NEGR1: variants seen among roughly 807,000 people sequenced by gnomAD.
The protein encoded by NEGR1 is neuronal growth regulator 1, also known as IgLON family member 4.
In NEGR1, 10 loss-of-function variants were observed where a neutral mutation model predicts 40.9. The ratio of observed to expected loss-of-function variants is 0.24; its 90% CI spans 0.15 to 0.42. NEGR1 has a LOEUF of 0.42. Among genes scored for constraint, NEGR1 ranks in the 10% least tolerant of loss-of-function variants. The pLI is 1.00. For missense variants in NEGR1, 352 were observed against 438.9 expected (o/e 0.80, Z 1.77); for synonymous variants, 185 against 166.8 (o/e 1.11, Z -0.84).
At chr1:72,219,713 A>C (rs1195046842) in intron 1 of NEGR1, among the ~76,000 whole-genome samples, 1 of 152,096 alleles carries the variant, frequency 6.6e-6, no homozygotes, top group Non-Finnish European at 1.5e-5. Context: ...ATATAGCCAC[A>C]ATATTATCAA....
intron 4 of NEGR1, among the ~76,000 whole-genome samples, chr1:71,656,987 T>A (rs371446983): frequency 3.3e-5 from 5 of 152,222 alleles, no homozygotes; most frequent in East Asian, 3.9e-4. Context: ...CTAATAATAC[T>A]GTTTGGCTTC....
intron 4 of NEGR1, among the ~76,000 whole-genome samples, chr1:71,614,235 A>G: frequency 6.6e-6 from 1 of 151,946 alleles, no homozygotes; most frequent in Non-Finnish European, 1.5e-5. Context: ...ATACACACAT[A>G]TACACAAACA....
intron 6 of NEGR1, among the ~76,000 whole-genome samples, chr1:71,440,155 A>G (rs1269679316): frequency 6.6e-6 from 1 of 152,216 alleles, no homozygotes; most frequent in Admixed American, 6.5e-5. Context: ...GAATAAAAGA[A>G]TAAGTATCTT....
chr1:71,667,514 C>T (rs1004336522), intron 4 of NEGR1, among the ~76,000 whole-genome samples: 1 of 152,172 alleles, frequency 6.6e-6, no homozygotes, highest in Non-Finnish European at 1.5e-5. Context: ...TCCAATTCTA[C>T]ACCCTGGTGT....
chr1:71,793,045 A>T (rs973407325), intron 2 of NEGR1, among the ~76,000 whole-genome samples: 1 of 151,238 alleles, frequency 6.6e-6, no homozygotes, highest in East Asian at 2.0e-4. Context: ...GGCTCACATA[A>T]ACCTCCCAGG....
intron 6 of NEGR1, among the ~76,000 whole-genome samples, chr1:71,448,292 G>T (rs1044992335): frequency 2.0e-5 from 3 of 151,708 alleles, no homozygotes; most frequent in Admixed American, 6.6e-5. Context: ...ACAGATAAGA[G>T]AAGTTATTGG....
At chr1:71,907,606 C>T (rs779080914) in intron 2 of NEGR1, among the ~76,000 whole-genome samples, 6 of 152,074 alleles carry the variant, frequency 3.9e-5, no homozygotes, top group Non-Finnish European at 5.9e-5. Flanking sequence ...TTGGAAATTT[C>T]TCAAAAAACA....
intron 1 of NEGR1, among the ~76,000 whole-genome samples, chr1:72,170,676 G>A (rs1651928586): frequency 6.6e-6 from 1 of 152,196 alleles, no homozygotes. Flanking sequence ...AAACAACCAA[G>A]TTTGCTTATG....
chr1:71,626,628 C>A (rs1363067887), intron 4 of NEGR1, among the ~76,000 whole-genome samples: 1 of 151,902 alleles, frequency 6.6e-6, no homozygotes. Flanking sequence ...CAACAAAAGC[C>A]AAAATTGACA....
At chr1:71,864,655 G>C (rs1376208973) in intron 2 of NEGR1, among the ~76,000 whole-genome samples, 2 of 151,962 alleles carry the variant, frequency 1.3e-5, no homozygotes, top group African/African-American at 4.8e-5. Flanking sequence ...CCAAAGAAAA[G>C]GGCAACACAA....
chr1:71,976,463 G>A (rs1422429850), intron 1 of NEGR1, among the ~76,000 whole-genome samples: 1 of 152,192 alleles, frequency 6.6e-6, no homozygotes, highest in Non-Finnish European at 1.5e-5. Context: ...GAATACATTG[G>A]ATTCAGATGC....
At chr1:72,053,901 A>T (rs1218550924) in intron 1 of NEGR1, among the ~76,000 whole-genome samples, 5 of 150,730 alleles carry the variant, frequency 3.3e-5, no homozygotes. Flanking sequence ...ACTCACACAT[A>T]TCAGAACCTC....
intron 4 of NEGR1, among the ~76,000 whole-genome samples, chr1:71,656,689 C>A (rs1161669068): frequency 6.6e-6 from 1 of 152,200 alleles, no homozygotes; most frequent in African/African-American, 2.4e-5. Flanking sequence ...CGTAAGCCAC[C>A]GCGCCTGGCC....
chr1:71,678,245 A>G (rs1011237416), intron 4 of NEGR1, among the ~76,000 whole-genome samples: 2 of 152,166 alleles, frequency 1.3e-5, no homozygotes, highest in African/African-American at 4.8e-5. Flanking sequence ...GGGTAAAGGC[A>G]ATTTTGAACC....
intron 1 of NEGR1, among the ~76,000 whole-genome samples, chr1:71,975,397 A>C (rs187403174): frequency 2.7e-4 from 41 of 152,294 alleles, no homozygotes; most frequent in Non-Finnish European, 4.6e-4. Context: ...CTGCAACCTA[A>C]AGAAGTACAG....
At position 72,174,102 on chromosome 1, in the gene NEGR1, T is replaced by G. The variant is rs191518302; in HGVS notation, c.176+108217A>C. ...TCGTTTGTTTTTTTTAAAAAAACTG[T>G]CAATTTTATTTATGCTTTTAAATTT... is the stretch of plus-strand genomic sequence containing the variant. On this transcript the variant is annotated intron_variant, in intron 1 of 6. Coordinates refer to ENST00000357731, the MANE Select transcript of NEGR1 (RefSeq NM_173808.3). Among the ~76,000 whole-genome samples the G allele has an allele frequency of 5.2e-4, 79 of 152,274 alleles. No homozygotes were observed. The East Asian group carries it at 0.012, about 23-fold the overall frequency.
intron 1 of NEGR1, among the ~76,000 whole-genome samples, chr1:72,019,510 T>C (rs1646738967): frequency 6.6e-6 from 1 of 152,148 alleles, no homozygotes; most frequent in Non-Finnish European, 1.5e-5. Flanking sequence ...ATAAAAGCTA[T>C]GAAGAACTAA....
chr1:72,068,133 G>C (rs1451229402), intron 1 of NEGR1, among the ~76,000 whole-genome samples: 1 of 152,176 alleles, frequency 6.6e-6, no homozygotes, highest in Non-Finnish European at 1.5e-5. Context: ...ACAATGTTGA[G>C]TTGTTATTCA....
intron 1 of NEGR1, among the ~76,000 whole-genome samples, chr1:72,075,614 C>T (rs991331401): frequency 1.3e-5 from 2 of 152,170 alleles, no homozygotes; most frequent in Non-Finnish European, 2.9e-5. Flanking sequence ...TGCTGACCAT[C>T]TGGATGAATG....
Sources: gnomAD v4.1 joint callset for allele counts (sites outside exome capture counted in the v4.1 genomes callset) on GRCh38, gnomAD v4.1.1 for gene constraint, MANE v1.5 for transcripts, NCBI Gene and HGNC (gene_info 2026-07-23, HGNC 2026-07-21) for gene names.